The following MAPK8IP3 variants were observed in gnomAD, a reference collection of about 807,000 sequenced individuals.
MAPK8IP3 encodes the protein mitogen-activated protein kinase 8 interacting protein 3.
MAPK8IP3 carries 49 observed loss-of-function variants against 157.8 expected under a neutral mutation model. The observed-to-expected ratio is 0.31, with a 90% CI of 0.25 to 0.39. MAPK8IP3 has a LOEUF of 0.39. Ranked by LOEUF, MAPK8IP3 falls within the 10% of genes least tolerant of loss-of-function variation. The pLI is 1.00. For missense variants in MAPK8IP3, 1,478 were observed against 1,889.4 expected (o/e 0.78, Z 4.04); for synonymous variants, 897 against 777.7 (o/e 1.15, Z -2.55).
chr16:1,767,981 G>T, intron 28 of MAPK8IP3, 63 bp downstream of exon 28: 1 of 1,608,496 alleles, frequency 6.2e-7, no homozygotes. Flanking sequence ...GGTTCACGGG[G>T]TGGCTCTGCA....
chr16:1,728,030 C>T (rs1338728288), intron 2 of MAPK8IP3, among the ~76,000 whole-genome samples: 2 of 152,256 alleles, frequency 1.3e-5, no homozygotes, highest in Non-Finnish European at 2.9e-5. Flanking sequence ...CACCTCGTGG[C>T]GTCAGCCCTC....
rs78806743 is a variant in MAPK8IP3, at chr16:1,710,218, T to G, written c.318+3561T>G. Among the ~76,000 whole-genome samples, 867 of 151,838 alleles carry G rather than the reference T, an allele frequency of 5.7e-3. 5 individuals carry two copies. Among genetic ancestry groups the G allele is most frequent in the African/African-American group, 0.02 (820 of 41,382 alleles). On this transcript the variant is annotated intron_variant, in intron 1 of 31. Coordinates refer to ENST00000610761, the MANE Select transcript of MAPK8IP3 (RefSeq NM_001318852.2). The surrounding 1 kb of genome is among the most constrained non-coding windows in gnomAD (Gnocchi z 4.1). ...TCCTCCCACCTCAGCCTCCCAACAT[T>G]TGACATTGAACTCCTGACCTCCTCA... is the stretch of plus-strand genomic sequence containing the variant.
At position 1,765,989 on chromosome 16, in the gene MAPK8IP3, G is replaced by T; in HGVS notation, c.2476G>T (p.Glu826Ter). 6.2e-7 allele frequency: 1 copy of T among 1,612,678 alleles called. No homozygotes were observed. Among genetic ancestry groups the T allele is most frequent in the Non-Finnish European group, 8.5e-7 (1 of 1,179,872 alleles). Residue 826 changes from glutamate to a stop codon, truncating the protein, a stop_gained, in exon 21 of 32, where the codon GAG (glutamate) becomes TAG (stop). Coordinates refer to ENST00000610761, the MANE Select transcript of MAPK8IP3 (RefSeq NM_001318852.2). LOFTEE classifies it high-confidence loss of function. ...AASDSDYPPG[E>*]MFLDSDVNPE... ...CAGCGACAGCGACTACCCTCCCGGG[G>T]AGATGTTCCTGGACAGCGACGTGAA...
chr16:1,754,626 C>G (rs1215046497), intron 8 of MAPK8IP3, among the ~76,000 whole-genome samples: 1 of 151,936 alleles, frequency 6.6e-6, no homozygotes, highest in African/African-American at 2.4e-5. Flanking sequence ...ACAAAAATTA[C>G]CCGGGTGTGG....
chr16:1,749,224 C>T (rs574583810), intron 8 of MAPK8IP3, among the ~76,000 whole-genome samples: 2 of 152,184 alleles, frequency 1.3e-5, no homozygotes, highest in Admixed American at 6.5e-5. Flanking sequence ...TGGGTTACAG[C>T]GTACTCACAG....
Position 1,764,429 on chromosome 16 carries a change from G to C in MAPK8IP3, c.2250G>C (p.Lys750Asn). 1.2e-6 allele frequency: 2 copies of C among 1,607,880 alleles called. No individual in the cohort carries two copies. The highest frequency in any genetic ancestry group is 1.7e-6 in the Non-Finnish European group (2 of 1,178,720). ...TCDREGDGEPKSAHTSPEKKK... is the reference protein window; with the variant it reads ...TCDREGDGEPNSAHTSPEKKK... ...ACCGCGAAGGAGACGGCGAGCCCAA[G>C]AGCGCCCACACGTCTCCCGAGAAGA... Residue 750 changes from lysine to asparagine, a missense_variant, in exon 19 of 32, where the codon AAG becomes AAC. Physicochemically the swap from Lys to Asn is moderately conservative, Grantham distance 94. This residue lies in a region of MAPK8IP3 where 669 missense variants were observed against 759.8 expected (regional missense o/e 0.88). Transcript: ENST00000610761.
intron 13 of MAPK8IP3, among the ~76,000 whole-genome samples, chr16:1,761,814 C>CCACCATT (rs757755449): frequency 2.5e-4 from 38 of 152,328 alleles, no homozygotes; most frequent in Admixed American, 8.5e-4. Flanking sequence ...CGCTGGGCGG[C>CCACCATT]CACCATTCAC....
chr16:1,718,486 T>C (rs1479543147), intron 1 of MAPK8IP3, among the ~76,000 whole-genome samples: 1 of 151,508 alleles, frequency 6.6e-6, no homozygotes, highest in Admixed American at 6.6e-5. Context: ...GCCCGGCTAA[T>C]GATCTTTAAA....
At position 1,712,898 on chromosome 16, in the gene MAPK8IP3, CCT is replaced by C. The variant is rs1230023811; in HGVS notation, c.318+6247_318+6248del. Among the ~76,000 whole-genome samples the C allele has an allele frequency of 3.3e-5, 5 of 152,372 alleles. 1 individual carries two copies. In the South Asian group the frequency reaches 6.2e-4, roughly 19 times the overall value. On this transcript the variant is annotated intron_variant, in intron 1 of 31. Coordinates refer to ENST00000610761, the MANE Select transcript of MAPK8IP3 (RefSeq NM_001318852.2). ...CCTGGGGAGCTGGGCCCCCACCAGGCCTCTCTCCCGGCTTCCGCAAGTTAAGC... is the reference window on the plus strand; with the variant it reads ...CCTGGGGAGCTGGGCCCCCACCAGGCCTCTCCCGGCTTCCGCAAGTTAAGC...
At chr16:1,763,569 C>T in intron 16 of MAPK8IP3, 88 bp from the exon 17 acceptor site, 1 of 1,379,836 alleles carries the variant, frequency 7.2e-7, no homozygotes, top group East Asian at 2.9e-5. Flanking sequence ...GCGGGCCTCC[C>T]TGCCGTGACC....
chr16:1,739,312 GTGTGTGAC>G (rs2040428815), intron 4 of MAPK8IP3, among the ~76,000 whole-genome samples: 2 of 138,830 alleles, frequency 1.4e-5, no homozygotes, highest in Admixed American at 7.2e-5. Flanking sequence ...GTCCGTGTGA[GTGTGTGAC>G]CATCCGTGTG....
At chr16:1,760,321 C>T (rs2041862148) in intron 11 of MAPK8IP3, 59 bp from the exon 12 acceptor site, 5 of 1,559,752 alleles carry the variant, frequency 3.2e-6, no homozygotes, top group Non-Finnish European at 4.3e-6. Flanking sequence ...CCTGGCAAGG[C>T]CCCTTCACGT....
chr16:1,729,335 T>C lies in MAPK8IP3; in HGVS notation c.510+127T>C, dbSNP rs2039130032. 3.1e-6 allele frequency: 4 copies of C among 1,300,280 alleles called. No homozygotes were observed. The South Asian group carries it at 5.0e-5, about 16-fold the overall frequency. The allele number at this position is 1,300,280 out of a possible 1,614,324, so 80.5% of individuals were successfully genotyped here. ...CTTTTCTAGCATTTGCTGCCAGGCT[T>C]GAAGGCTGTCAGCCCCAGGCTGGTT... On this transcript the variant is annotated intron_variant, in intron 3 of 31. Transcript: ENST00000610761.
intron 25 of MAPK8IP3, 29 bp from the exon 26 acceptor site, chr16:1,767,120 C>G (rs1457861395): frequency 1.2e-6 from 2 of 1,611,478 alleles, no homozygotes; most frequent in Non-Finnish European, 8.5e-7. Flanking sequence ...CCTGGCCAGG[C>G]CTGAGCAGGT....
At position 1,738,259 on chromosome 16, in the gene MAPK8IP3, CGT is replaced by C. The variant is rs1186386114; in HGVS notation, c.603-5069_603-5068del. Among the ~76,000 whole-genome samples, 11 of 62,158 alleles carry C rather than the reference CGT, an allele frequency of 1.8e-4. 1 individual carries two copies. The highest frequency in any genetic ancestry group is 1.2e-3 in the South Asian group (1 of 850). 40.8% of individuals were successfully genotyped at this position (62,158 alleles called of 152,430 possible). On this transcript the variant is annotated intron_variant, in intron 4 of 31. Coordinates refer to ENST00000610761, the MANE Select transcript of MAPK8IP3 (RefSeq NM_001318852.2). The stretch of plus-strand genomic sequence containing the variant: ...CCATCCATTTGAGCATCCGTGTGAG[CGT>C]GTGACCGTCCGTGTGAGTGTGACCA...
rs1319248935 is a variant in MAPK8IP3 at position 1,768,115 on chromosome 16, C to G, written c.3562+8C>G. 2.5e-6 allele frequency: 4 copies of G among 1,612,060 alleles called. No homozygotes were observed. In the Admixed American group the frequency reaches 6.7e-5, roughly 27 times the overall value. On this transcript the variant is annotated splice_region_variant and intron_variant, in intron 29 of 31. Coordinates refer to ENST00000610761, the MANE Select transcript of MAPK8IP3 (RefSeq NM_001318852.2). ...AGCTCCTGGGGCTCCGAGGTAAGCC[C>G]AGCCACCTCGTGTCCCCTCACGGGA...
Position 1,706,451 on chromosome 16 carries a change from C to G in MAPK8IP3, c.112C>G (p.Arg38Gly), listed in dbSNP as rs776463054. Residue 38 changes from arginine to glycine, a missense_variant, in exon 1 of 32, where the codon CGC becomes GGC. Arg to Gly is a moderately radical substitution (Grantham distance 125, BLOSUM62 -2). Around this residue, in one of 11 missense-constraint regions of MAPK8IP3, gnomAD observed 65 missense variants for 161.8 expected, o/e 0.40. Transcript: ENST00000610761. This position sits in a 1 kb window ranked among gnomAD's most constrained non-coding sequence, Gnocchi z 5.1. ...GTCGGGCCTGGCGGGCTCCATCTAC[C>G]GCGAGTTCGAGCGCCTCATCCACTG... ...RVSGLAGSIY[R>G]EFERLIHCYD... The G allele has an allele frequency of 2.5e-6, 4 of 1,613,946 alleles. No homozygotes were observed. Among genetic ancestry groups the G allele is most frequent in the Non-Finnish European group, 1.7e-6 (2 of 1,179,958 alleles).
At position 1,764,937 on chromosome 16, in the gene MAPK8IP3, G is replaced by A. The variant is rs573608369; in HGVS notation, c.2281-76G>A. Reference sequence around the variant, plus strand: ...CAAGGCTGGATCCTGACAGATTCTGGGAGCCCCATGGCCCTGTGCTGCCAC... The same window carrying A: ...CAAGGCTGGATCCTGACAGATTCTGAGAGCCCCATGGCCCTGTGCTGCCAC... On this transcript the variant is annotated intron_variant, in intron 19 of 31. Transcript: ENST00000610761. 6.4e-5 allele frequency: 91 copies of A among 1,430,794 alleles called. 1 individual carries two copies. The South Asian group carries it at 7.0e-4, about 11-fold the overall frequency. 88.6% of individuals were successfully genotyped at this position (1,430,794 alleles called of 1,614,324 possible).
Position 1,748,532 on chromosome 16 carries a change from G to T in MAPK8IP3, c.1098-70G>T. 4.5e-6 allele frequency: 6 copies of T among 1,332,956 alleles called. No individual in the cohort carries two copies. The South Asian group carries it at 7.2e-5, about 16-fold the overall frequency. 82.6% of individuals were successfully genotyped at this position (1,332,956 alleles called of 1,614,324 possible). A position where few individuals can be genotyped will look rare whatever the true frequency, so the allele number is the denominator to read the frequency against. On this transcript the variant is annotated intron_variant, in intron 7 of 31. Transcript: ENST00000610761. ...GGCCACGGTGGGAGGTGTTGGAAGA[G>T]TCTGCAGACGCAGCCACTCCGGGCT... is the stretch of plus-strand genomic sequence containing the variant.
Sources: gnomAD v4.1 joint callset for allele counts (sites outside exome capture counted in the v4.1 genomes callset) on GRCh38, gnomAD v4.1.1 for gene constraint, gnomAD v4.1.1 regional missense constraint, Gnocchi (gnomAD v3.1) non-coding constraint, MANE v1.5 for transcripts, NCBI Gene and HGNC (gene_info 2026-07-23, HGNC 2026-07-21) for gene names.